Variants in DLGAP3 observed in about 807,000 individuals in gnomAD.
DLGAP3 encodes DLG associated protein 3.
In DLGAP3, 17 loss-of-function variants were observed where a neutral mutation model predicts 81.2. That is an observed-to-expected ratio of 0.21 (90% CI 0.14 to 0.31). The LOEUF is 0.31. Ranked by LOEUF, DLGAP3 falls within the 10% of genes least tolerant of loss-of-function variation. The pLI is 1.00. For missense variants in DLGAP3, 1,124 were observed against 1,388.0 expected, an observed-to-expected ratio of 0.81 and a Z score of 3.02; for synonymous variants, 577 against 587.4, an observed-to-expected ratio of 0.98 and a Z score of 0.26.
intron 8 of DLGAP3, among the ~76,000 whole-genome samples, chr1:34,879,842 T>A (rs1639119674): frequency 6.6e-6 from 1 of 152,092 alleles, no homozygotes; most frequent in Non-Finnish European, 1.5e-5. Context: ...TAAGGGAAAT[T>A]ATAGCCCTAA....
At chr1:34,875,271 T>C (rs2148395957) in intron 8 of DLGAP3, among the ~76,000 whole-genome samples, 1 of 152,268 alleles carries the variant, frequency 6.6e-6, no homozygotes, top group African/African-American at 2.4e-5. Flanking sequence ...AGGCAGGTCT[T>C]CCTCCACAGA....
At position 34,929,286 on chromosome 1, in the gene DLGAP3, G is replaced by A. The variant is rs935977397; in HGVS notation, c.-135+165C>T. On this transcript the variant is annotated intron_variant, in intron 1 of 11. Coordinates refer to ENST00000373347, the MANE Select transcript of DLGAP3 (RefSeq NM_001080418.3). This position sits in a 1 kb window ranked among gnomAD's most constrained non-coding sequence, Gnocchi z 6.5. ...CGGGCAGCCAGGCCGGGGCAGGAGC[G>A]GGGGCAGCTGAGGAGGCCCAGCCCC... is the stretch of plus-strand genomic sequence containing the variant. Among the ~76,000 whole-genome samples, 9 of 150,884 alleles carry A rather than the reference G, an allele frequency of 6.0e-5. No individual in the cohort carries two copies. The highest frequency in any genetic ancestry group is 2.2e-4 in the African/African-American group (9 of 41,386).
chr1:34,900,174 C>A lies in DLGAP3; in HGVS notation c.1207G>T (p.Asp403Tyr), dbSNP rs1446825282. 6.2e-7 allele frequency: 1 copy of A among 1,613,974 alleles called. No homozygotes were observed. Among genetic ancestry groups the A allele is most frequent in the Non-Finnish European group, 8.5e-7 (1 of 1,180,032 alleles). ...CCGTCTGAGTCTCCGCTCTCCTCATCCCCCATGGCTTTGATGTAGCTGCCG... is the reference window on the plus strand; with the variant it reads ...CCGTCTGAGTCTCCGCTCTCCTCATACCCCATGGCTTTGATGTAGCTGCCG... ...RSGSYIKAMG[D>Y]EESGDSDGSP... The change falls in exon 4 of 12, where the codon GAT becomes TAT. Residue 403 changes from aspartate (D) to tyrosine (Y), a missense_variant. Physicochemically the swap from Asp to Tyr is radical, Grantham distance 160. This residue lies in a region of DLGAP3 where 357 missense variants were observed against 408.8 expected (regional missense o/e 0.87). Transcript: ENST00000373347. This position sits in a 1 kb window ranked among gnomAD's most constrained non-coding sequence, Gnocchi z 5.6.
At chr1:34,880,730 G>A (rs1030186516) in intron 8 of DLGAP3, among the ~76,000 whole-genome samples, 1 of 151,908 alleles carries the variant, frequency 6.6e-6, no homozygotes, top group East Asian at 1.9e-4. Context: ...TATCAATATA[G>A]AGATGCAATA....
chr1:34,911,892 G>C (rs1373050195), intron 1 of DLGAP3, among the ~76,000 whole-genome samples: 2 of 152,160 alleles, frequency 1.3e-5, no homozygotes, highest in African/African-American at 4.8e-5. Context: ...CCAGGGCCCT[G>C]CCCAGCCAAA....
intron 8 of DLGAP3, among the ~76,000 whole-genome samples, chr1:34,870,132 A>C (rs895592673): frequency 6.6e-6 from 1 of 152,176 alleles, no homozygotes; most frequent in Admixed American, 6.5e-5. Flanking sequence ...AGGGCCTGGA[A>C]ATTTCTTGTC....
rs552426993 is a variant in DLGAP3, at chr1:34,889,277, G to A, written c.1387-2992C>T. On this transcript the variant is annotated intron_variant, in intron 5 of 11. Transcript: ENST00000373347. ...AACAACTCCCTGGGGTCATACACCCGCCAGCTCAGCTGGCCAAGAGGAGCT... is the reference window on the plus strand; with the variant it reads ...AACAACTCCCTGGGGTCATACACCCACCAGCTCAGCTGGCCAAGAGGAGCT... 7.0e-4 allele frequency among the ~76,000 whole-genome samples: 107 copies of A among 152,294 alleles called. 1 individual carries two copies. In the South Asian group the frequency reaches 0.017, roughly 24 times the overall value.
At position 34,867,530 on chromosome 1, in the gene DLGAP3, A is replaced by G; in HGVS notation, c.2577+6T>C. 8 of 1,611,842 alleles carry G rather than the reference A, an allele frequency of 5.0e-6. No homozygotes were observed. The highest frequency in any genetic ancestry group is 6.8e-6 in the Non-Finnish European group (8 of 1,177,954). On this transcript the variant is annotated splice_donor_region_variant and intron_variant, in intron 10 of 11. Coordinates refer to ENST00000373347, the MANE Select transcript of DLGAP3 (RefSeq NM_001080418.3). This position sits in a 1 kb window ranked among gnomAD's most constrained non-coding sequence, Gnocchi z 4.3. The stretch of plus-strand genomic sequence containing the variant: ...TCTGGTAGGATCTACTACTATGGGC[A>G]CTCACCATGCTTTGCTGACACAGCC...
At chr1:34,913,714 A>G (rs1377430453) in intron 1 of DLGAP3, among the ~76,000 whole-genome samples, 2 of 152,152 alleles carry the variant, frequency 1.3e-5, no homozygotes, top group African/African-American at 4.8e-5. Context: ...TTCAAAAAAT[A>G]CCTATTCTGT....
intron 8 of DLGAP3, among the ~76,000 whole-genome samples, chr1:34,871,934 G>A (rs1277617784): frequency 6.6e-6 from 1 of 152,142 alleles, no homozygotes; most frequent in Non-Finnish European, 1.5e-5. Flanking sequence ...ATGACCAGAA[G>A]CACAGTCCTC....
intron 5 of DLGAP3, 113 bp downstream of exon 5, chr1:34,899,556 G>C: frequency 1.0e-6 from 1 of 973,354 alleles, no homozygotes. Flanking sequence ...TTTCCCCAGA[G>C]CCAGGCCTGA....
At chr1:34,911,023 C>T (rs78694366) in intron 1 of DLGAP3, among the ~76,000 whole-genome samples, 1 of 7,612 alleles carries the variant, frequency 1.3e-4, no homozygotes, top group African/African-American at 2.4e-4. Flanking sequence ...ATATTATCCA[C>T]CCCCCCCCCA....
chr1:34,907,330 T>C (rs1386355767), intron 2 of DLGAP3, 25 bp downstream of exon 2: 2 of 152,504 alleles, frequency 1.3e-5, no homozygotes, highest in African/African-American at 4.8e-5. Context: ...CTAATCCCCA[T>C]CTCCCAGACT....
chr1:34,896,459 C>T (rs994742531), intron 5 of DLGAP3, among the ~76,000 whole-genome samples: 3 of 152,000 alleles, frequency 2.0e-5, no homozygotes, highest in African/African-American at 4.8e-5. Context: ...TGTGGTGGCG[C>T]ACACGTGTAA....
intron 5 of DLGAP3, among the ~76,000 whole-genome samples, chr1:34,889,333 AGG>A (rs1318936239): frequency 6.6e-6 from 1 of 152,216 alleles, no homozygotes; most frequent in Non-Finnish European, 1.5e-5. Context: ...CCAGGACACA[AGG>A]GAAACACGGA....
chr1:34,866,767 C>A (rs551170217), intron 11 of DLGAP3, among the ~76,000 whole-genome samples: 96 of 146,116 alleles, frequency 6.6e-4, no homozygotes, highest in Admixed American at 1.6e-3. Flanking sequence ...TTGCTCTCTC[C>A]AGCTGCAGCC....
intron 8 of DLGAP3, among the ~76,000 whole-genome samples, chr1:34,880,952 T>C (rs540476040): frequency 4.6e-5 from 7 of 152,202 alleles, no homozygotes; most frequent in African/African-American, 1.7e-4. Context: ...CAGGCATAGA[T>C]AATTTTATAG....
chr1:34,908,377 T>C (rs1639590997), intron 1 of DLGAP3, among the ~76,000 whole-genome samples: 1 of 152,168 alleles, frequency 6.6e-6, no homozygotes. Flanking sequence ...GTGTGTCCCA[T>C]ACACATAGGT....
rs1557450802 is a variant in DLGAP3, at chr1:34,868,132, A to C, written c.2485+473T>G. Among the ~76,000 whole-genome samples, 1 of 152,152 alleles carries C rather than the reference A, an allele frequency of 6.6e-6. No individual in the cohort carries two copies. ...GTGTCTCCCAGTGGATCTGACTTAC[A>C]GGAAGGGCCATGCTCTCCCTCGGGC... On this transcript the variant is annotated intron_variant, in intron 9 of 11. Coordinates refer to ENST00000373347, the MANE Select transcript of DLGAP3 (RefSeq NM_001080418.3). This position sits in a 1 kb window ranked among gnomAD's most constrained non-coding sequence, Gnocchi z 7.5.
Sources: gnomAD v4.1 joint callset for allele counts (sites outside exome capture counted in the v4.1 genomes callset) on GRCh38, gnomAD v4.1.1 for gene constraint, gnomAD v4.1.1 regional missense constraint, Gnocchi (gnomAD v3.1) non-coding constraint, MANE v1.5 for transcripts, NCBI Gene and HGNC (gene_info 2026-07-23, HGNC 2026-07-21) for gene names.